The following VMA22 variants were observed in gnomAD, a reference collection of about 807,000 sequenced individuals.
The protein encoded by VMA22 is vacuolar ATPase assembly factor VMA22.
At chr2:130,339,921 T>C in the VMA22 span, 2 of 922,490 alleles carry the variant, frequency 2.2e-6, no homozygotes, top group East Asian at 1.3e-4. Context: ...ACCAGTGCTA[T>C]GCAGTGGACT....
chr2:130,342,208 C>T, the VMA22 span: 1 of 1,567,472 alleles, frequency 6.4e-7, no homozygotes, highest in Admixed American at 1.9e-5. Flanking sequence ...ACACGAGATC[C>T]TCCATCAAGG....
At chr2:130,341,993 C>T in the VMA22 span, 1 of 1,613,406 alleles carries the variant, frequency 6.2e-7, no homozygotes, top group Non-Finnish European at 8.5e-7. Context: ...CGTGTACCCT[C>T]CTGCCCGCCC....
the VMA22 span, chr2:130,338,993 G>A: frequency 1.5e-6 from 1 of 670,522 alleles, no homozygotes; most frequent in Non-Finnish European, 2.6e-6. Context: ...TGCAGAGCAG[G>A]GACACAGAAG....
At chr2:130,339,068 T>C in the VMA22 span, 5 of 1,387,800 alleles carry the variant, frequency 3.6e-6, no homozygotes, top group Admixed American at 6.8e-5. Context: ...TGAGATCACG[T>C]AGCCATGTCG....
chr2:130,341,258 A>G, the VMA22 span: 3 of 592,878 alleles, frequency 5.1e-6, no homozygotes, highest in African/African-American at 5.6e-5. Flanking sequence ...TGACTCCTGT[A>G]AGACCCACTG....
chr2:130,338,244 G>T, the VMA22 span: 1 of 152,242 alleles, frequency 6.6e-6, no homozygotes, highest in East Asian at 1.9e-4. Context: ...ACAAAAGTTG[G>T]GTAGTGGTTA....
the VMA22 span, chr2:130,339,343 A>G: frequency 7.5e-7 from 1 of 1,332,000 alleles, no homozygotes; most frequent in African/African-American, 1.5e-5. Context: ...TGCCCCCCAC[A>G]CTTGTCCCAA....
the VMA22 span, chr2:130,341,759 G>A: frequency 2.5e-6 from 4 of 1,610,280 alleles, no homozygotes; most frequent in African/African-American, 4.0e-5. Flanking sequence ...GCTGAAGGAC[G>A]AGAAGGGAGG....
chr2:130,342,421 G>A, the VMA22 span: 2 of 565,690 alleles, frequency 3.5e-6, no homozygotes, highest in African/African-American at 3.8e-5. Flanking sequence ...CCGAATCTTA[G>A]AAGTCGCGCC....
chr2:130,341,242 TTCCCGTGAC>T, the VMA22 span: 1 of 621,018 alleles, frequency 1.6e-6, no homozygotes, highest in Non-Finnish European at 2.7e-6. Context: ...TGTCCACTCT[TTCCCGTGAC>T]TCCTGTAAGA....
the VMA22 span, chr2:130,341,448 TG>T: frequency 1.7e-6 from 1 of 572,932 alleles, no homozygotes. Flanking sequence ...CTGACTGAAA[TG>T]TATGTGATTG....
the VMA22 span, chr2:130,342,236 A>T: frequency 6.5e-7 from 1 of 1,547,948 alleles, no homozygotes; most frequent in African/African-American, 1.4e-5. Flanking sequence ...CCATCTGGGG[A>T]TCCCCACGCC....
the VMA22 span, chr2:130,342,356 G>T: frequency 1.3e-6 from 1 of 741,656 alleles, no homozygotes; most frequent in Non-Finnish European, 2.2e-6. Flanking sequence ...AAGTGGATCA[G>T]CCTGCTGAAC....
At chr2:130,338,551 C>T in the VMA22 span, 3 of 152,234 alleles carry the variant, frequency 2.0e-5, no homozygotes, top group African/African-American at 4.8e-5. Context: ...GACAAAGAGA[C>T]AGGATTTTAA....
At chr2:130,341,844 G>T in the VMA22 span, 1 of 1,163,978 alleles carries the variant, frequency 8.6e-7, no homozygotes, top group Non-Finnish European at 1.2e-6. Flanking sequence ...TCCTCACCTG[G>T]CGTGGAGGCA....
the VMA22 span, chr2:130,339,015 G>T: frequency 1.3e-6 from 1 of 781,896 alleles, no homozygotes; most frequent in Non-Finnish European, 2.1e-6. Flanking sequence ...GGCATTAGCT[G>T]GCGTGGGGTA....
At chr2:130,340,657 C>T in the VMA22 span, 57 of 523,564 alleles carry the variant, frequency 1.1e-4, no homozygotes, top group Middle Eastern at 1.0e-3. Context: ...TTGTCTGCTT[C>T]TAAACATTAC....
chr2:130,340,474 T>C, the VMA22 span: 1 of 256,036 alleles, frequency 3.9e-6, no homozygotes, highest in African/African-American at 2.3e-5. Context: ...GCTTTTGTCC[T>C]GGCTGGTTCC....
the VMA22 span, chr2:130,340,844 C>T: frequency 6.2e-7 from 1 of 1,600,136 alleles, no homozygotes; most frequent in Non-Finnish European, 8.6e-7. Context: ...GGCAGCAGTG[C>T]TCAAGTGTTC....
Sources: allele counts gnomAD v4.1 joint callset, GRCh38; gene constraint gnomAD v4.1.1; transcripts MANE v1.5; gene names NCBI Gene and HGNC (gene_info 2026-07-23, HGNC 2026-07-21).